The following SMURF1 variants were observed in gnomAD, a reference collection of about 807,000 sequenced individuals.
SMURF1 encodes E3 ubiquitin-protein ligase SMURF1.
Under a neutral mutation model 98.0 loss-of-function variants are expected in SMURF1, and 44 were observed. The ratio of observed to expected loss-of-function variants is 0.45; its 90% CI spans 0.35 to 0.58. SMURF1 has a LOEUF of 0.58. SMURF1 is among the 20% of genes least tolerant of loss of function. The pLI, the probability that SMURF1 is intolerant of heterozygous loss-of-function variation, is 0.00. For synonymous variants in SMURF1, 396 were observed against 374.9 expected, an observed-to-expected ratio of 1.06 and a Z score of -0.65; for missense variants, 687 against 938.4, an observed-to-expected ratio of 0.73 and a Z score of 3.50.
At chr7:99,109,389 T>C (rs909363391) in intron 1 of SMURF1, among the ~76,000 whole-genome samples, 8 of 152,170 alleles carry the variant, frequency 5.3e-5, no homozygotes, top group Admixed American at 2.0e-4. Flanking sequence ...GCCCTCTCAG[T>C]TGACTTGGCA....
rs376499699 is a variant in SMURF1, at chr7:99,041,590, G to T, written c.1371+528C>A. Among the ~76,000 whole-genome samples, 604 of 152,356 alleles carry T rather than the reference G, an allele frequency of 4.0e-3. 2 individuals are homozygous for T. Among genetic ancestry groups the T allele is most frequent in the African/African-American group, 0.013 (527 of 41,576 alleles). On this transcript the variant is annotated intron_variant, in intron 12 of 17. Coordinates refer to ENST00000361368, the MANE Select transcript of SMURF1 (RefSeq NM_181349.3). The stretch of plus-strand genomic sequence containing the variant: ...AGCCTGTCCCGACTTCGCCTCAGTG[G>T]CCTGTGCAGGACGCTGGTGAAGGCC...
chr7:99,124,919 T>C (rs1797712987), intron 1 of SMURF1, among the ~76,000 whole-genome samples: 1 of 152,180 alleles, frequency 6.6e-6, no homozygotes, highest in Non-Finnish European at 1.5e-5. Flanking sequence ...AAGGGCCAAA[T>C]AGAAACCTGA....
At chr7:99,126,788 G>A (rs887561950) in intron 1 of SMURF1, among the ~76,000 whole-genome samples, 4 of 152,216 alleles carry the variant, frequency 2.6e-5, no homozygotes, top group African/African-American at 9.6e-5. Context: ...TTAATTAGAT[G>A]CTTTTTTGTT....
intron 15 of SMURF1, among the ~76,000 whole-genome samples, chr7:99,036,859 C>T (rs144863832): frequency 3.3e-5 from 5 of 152,246 alleles, no homozygotes; most frequent in East Asian, 3.9e-4. Flanking sequence ...GATTTCCTAC[C>T]GCCAAGCAGA....
chr7:99,072,473 A>G (rs920705439), intron 1 of SMURF1, among the ~76,000 whole-genome samples: 3 of 152,180 alleles, frequency 2.0e-5, no homozygotes, highest in African/African-American at 7.2e-5. Flanking sequence ...GTGAAACCCT[A>G]CCACTACTAA....
chr7:99,074,624 C>T (rs761611620), intron 1 of SMURF1, among the ~76,000 whole-genome samples: 7 of 151,820 alleles, frequency 4.6e-5, no homozygotes, highest in Non-Finnish European at 8.8e-5. Context: ...AATGAAAGGG[C>T]AAGAGACAGA....
intron 1 of SMURF1, among the ~76,000 whole-genome samples, chr7:99,128,724 G>C (rs1481988647): frequency 6.6e-6 from 1 of 152,164 alleles, no homozygotes; most frequent in Non-Finnish European, 1.5e-5. Flanking sequence ...ACCTAAGCAG[G>C]CTTTCTGCCA....
chr7:99,079,357 C>T (rs541133696), intron 1 of SMURF1, among the ~76,000 whole-genome samples: 29 of 152,346 alleles, frequency 1.9e-4, no homozygotes, highest in Non-Finnish European at 4.0e-4. Context: ...GTCCGGTACA[C>T]AGCATAAGAG....
intron 1 of SMURF1, among the ~76,000 whole-genome samples, chr7:99,088,732 A>G (rs6955512): frequency 0.082 from 12,469 of 152,208 alleles, 612 homozygotes; most frequent in East Asian, 0.18. Context: ...CTGGGTTTCA[A>G]AGGGCAGGTA....
intron 1 of SMURF1, among the ~76,000 whole-genome samples, chr7:99,088,611 C>G (rs1157981351): frequency 6.6e-6 from 1 of 151,972 alleles, no homozygotes; most frequent in East Asian, 1.9e-4. Context: ...CACAGAGAAT[C>G]AAATGTCAAA....
intron 1 of SMURF1, among the ~76,000 whole-genome samples, chr7:99,089,828 G>T (rs1796771245): frequency 6.6e-6 from 1 of 152,040 alleles, no homozygotes; most frequent in South Asian, 2.1e-4. Context: ...TACTTATCTT[G>T]GATTAACTTT....
At chr7:99,033,226 C>T in intron 16 of SMURF1, 105 bp from the exon 17 acceptor site, 1 of 1,131,652 alleles carries the variant, frequency 8.8e-7, no homozygotes, top group Non-Finnish European at 1.3e-6. Flanking sequence ...CCCACCCCCA[C>T]ACCCAGGCAG....
intron 1 of SMURF1, among the ~76,000 whole-genome samples, chr7:99,073,538 G>A (rs1321025612): frequency 3.3e-5 from 5 of 151,706 alleles, no homozygotes; most frequent in Admixed American, 3.3e-4. Flanking sequence ...GCCAAGGCAG[G>A]TGGATCACAT....
At position 99,030,745 on chromosome 7, in the gene SMURF1, C is replaced by T. The variant is rs1054694579; in HGVS notation, c.2097-62G>A. The T allele has an allele frequency of 1.3e-5, 17 of 1,350,680 alleles. No individual in the cohort carries two copies. The Admixed American group carries it at 2.9e-4, about 23-fold the overall frequency. 83.7% of individuals were successfully genotyped at this position (1,350,680 alleles called of 1,614,324 possible). ...TCCAGCCCTAGGACCAACCTCAAGG[C>T]CAAGGACAGGCAGTGAGAAGTATAT... On this transcript the variant is annotated intron_variant, in intron 17 of 17. Transcript: ENST00000361368.
intron 11 of SMURF1, among the ~76,000 whole-genome samples, chr7:99,045,288 CA>C (rs1795536321): frequency 6.6e-6 from 1 of 152,220 alleles, no homozygotes; most frequent in African/African-American, 2.4e-5. Context: ...TCCTTTGACA[CA>C]AATGCAATTT....
At chr7:99,064,804 G>A (rs1363991638) in intron 1 of SMURF1, among the ~76,000 whole-genome samples, 1 of 152,032 alleles carries the variant, frequency 6.6e-6, no homozygotes, top group Non-Finnish European at 1.5e-5. Flanking sequence ...ACCTCCTGCT[G>A]ATGTTTCATT....
At chr7:99,060,752 A>T in intron 2 of SMURF1, 45 bp from the exon 3 acceptor site, 1 of 1,297,946 alleles carries the variant, frequency 7.7e-7, no homozygotes, top group East Asian at 2.3e-5. Flanking sequence ...CCTCACATCC[A>T]TCCATGTGAC....
chr7:99,054,869 AAAGAGAAAAG>A lies in SMURF1; in HGVS notation c.404-14_404-5del. 1 of 1,614,036 alleles carries A rather than the reference AAAGAGAAAAG, an allele frequency of 6.2e-7. No individual in the cohort carries two copies. Among genetic ancestry groups the A allele is most frequent in the Non-Finnish European group, 8.5e-7 (1 of 1,179,922 alleles). On this transcript the variant is annotated splice_region_variant and splice_polypyrimidine_tract_variant and intron_variant, in intron 5 of 17. Coordinates refer to ENST00000361368, the MANE Select transcript of SMURF1 (RefSeq NM_181349.3). ...CTGTCTCGTGTCTGTAAACTGACTAAAAGAGAAAAGAACGACTTGTGTTAAAACCCAGCGG... is the reference window on the plus strand; with the variant it reads ...CTGTCTCGTGTCTGTAAACTGACTAAAACGACTTGTGTTAAAACCCAGCGG...
At chr7:99,058,080 C>CACG (rs1795928582) in intron 3 of SMURF1, among the ~76,000 whole-genome samples, 1 of 152,138 alleles carries the variant, frequency 6.6e-6, no homozygotes, top group Non-Finnish European at 1.5e-5. Context: ...TAGATAACCA[C>CACG]ACGATGATAA....
Sources: gnomAD v4.1 joint callset for allele counts (sites outside exome capture counted in the v4.1 genomes callset) on GRCh38, gnomAD v4.1.1 for gene constraint, MANE v1.5 for transcripts, NCBI Gene and HGNC (gene_info 2026-07-23, HGNC 2026-07-21) for gene names.